SLC35F3: variants seen among roughly 807,000 people sequenced by gnomAD.
SLC35F3 encodes solute carrier family 35 member F3.
A neutral mutation model predicts 49.9 loss-of-function variants in SLC35F3; 25 were observed. That is an observed-to-expected ratio of 0.50 (90% confidence interval 0.37 to 0.70). The LOEUF is 0.70. Among genes scored for constraint, SLC35F3 ranks in the 30% least tolerant of loss-of-function variants. The probability of loss-of-function intolerance (pLI) is 0.00; values close to 1 mark genes in which losing one functional copy is unlikely to be tolerated. For missense variants in SLC35F3, 525 were observed against 639.8 expected, an observed-to-expected ratio of 0.82 and a Z score of 1.94; for synonymous variants, 275 against 265.4, an observed-to-expected ratio of 1.04 and a Z score of -0.35.
At chr1:233,999,753 G>T (rs543851185) in intron 2 of SLC35F3, among the ~76,000 whole-genome samples, 3 of 152,064 alleles carry the variant, frequency 2.0e-5, no homozygotes, top group African/African-American at 7.2e-5. Flanking sequence ...TTTTCTGTTT[G>T]TGCTACCTTA....
In SLC35F3 at chr1:234,099,035, T is replaced by C. The variant is rs560327768; in HGVS notation, c.284-132382T>C. Among the ~76,000 whole-genome samples, 3 of 152,190 alleles carry C rather than the reference T, an allele frequency of 2.0e-5. No homozygotes were observed. The South Asian group carries it at 6.2e-4, about 32-fold the overall frequency. ...GGTGGTAGTGATAGTGGTACCTGCA[T>C]TGAAGCAACAGCAATAGGAGTGGCA... On this transcript the variant is annotated intron_variant, in intron 2 of 7. Coordinates refer to ENST00000366618, the MANE Select transcript of SLC35F3 (RefSeq NM_173508.4).
chr1:233,920,872 C>T (rs950040880), intron 2 of SLC35F3, among the ~76,000 whole-genome samples: 9 of 152,226 alleles, frequency 5.9e-5, no homozygotes, highest in African/African-American at 2.2e-4. Flanking sequence ...CTCAGTCCTA[C>T]AACCACAGTC....
intron 3 of SLC35F3, among the ~76,000 whole-genome samples, chr1:234,257,395 A>G (rs1444951814): frequency 6.6e-6 from 1 of 151,936 alleles, no homozygotes; most frequent in African/African-American, 2.4e-5. Flanking sequence ...GTTTTTTTGT[A>G]TGATTTGAGT....
intron 2 of SLC35F3, among the ~76,000 whole-genome samples, chr1:234,078,897 C>G (rs770425061): frequency 2.0e-5 from 3 of 152,146 alleles, no homozygotes; most frequent in African/African-American, 7.2e-5. Flanking sequence ...TCACCCTCAC[C>G]ACACTGTGAT....
At chr1:234,296,392 T>C (rs1668593595) in intron 3 of SLC35F3, among the ~76,000 whole-genome samples, 1 of 152,204 alleles carries the variant, frequency 6.6e-6, no homozygotes, top group African/African-American at 2.4e-5. Flanking sequence ...AGTAGATTTA[T>C]TCCATGCAAT....
rs569503742 is a variant in SLC35F3 at position 234,202,106 on chromosome 1, A to G, written c.284-29311A>G. The stretch of plus-strand genomic sequence containing the variant: ...AAAAGATCACGTCCTTTGCAGGGAC[A>G]TAGATGGAGTTGGAAGCCATTATCC... On this transcript the variant is annotated intron_variant, in intron 2 of 7. Coordinates refer to ENST00000366618, the MANE Select transcript of SLC35F3 (RefSeq NM_173508.4). 8.5e-5 allele frequency among the ~76,000 whole-genome samples: 13 copies of G among 152,302 alleles called. No homozygotes were observed. In the South Asian group the frequency reaches 2.5e-3, roughly 29 times the overall value.
intron 2 of SLC35F3, among the ~76,000 whole-genome samples, chr1:233,983,797 A>C (rs1240593451): frequency 6.6e-6 from 1 of 152,194 alleles, no homozygotes; most frequent in African/African-American, 2.4e-5. Context: ...CATTTCTCTC[A>C]GTCAAAATTT....
At chr1:233,954,089 C>T (rs1662654724) in intron 2 of SLC35F3, among the ~76,000 whole-genome samples, 1 of 152,034 alleles carries the variant, frequency 6.6e-6, no homozygotes, top group African/African-American at 2.4e-5. Context: ...TCACTGCAAC[C>T]TCCACCTCCC....
chr1:234,299,907 A>G (rs573378080), intron 3 of SLC35F3, among the ~76,000 whole-genome samples: 2 of 152,088 alleles, frequency 1.3e-5, no homozygotes, highest in African/African-American at 2.4e-5. Flanking sequence ...TTTAAAAGAG[A>G]GAAAGAAAGA....
chr1:234,081,425 C>T lies in SLC35F3; in HGVS notation c.284-149992C>T, dbSNP rs547755309. On this transcript the variant is annotated intron_variant, in intron 2 of 7. Coordinates refer to ENST00000366618, the MANE Select transcript of SLC35F3 (RefSeq NM_173508.4). ...AATAAGCTCAGAGTTCTAATTTGTA[C>T]TCCCTTGATCCAAGCTGCTGGTTCC... Among the ~76,000 whole-genome samples the T allele has an allele frequency of 2.0e-5, 3 of 152,284 alleles. No homozygotes were observed. The East Asian group carries it at 5.8e-4, about 29-fold the overall frequency.
chr1:234,300,222 C>G (rs547199911), intron 3 of SLC35F3, among the ~76,000 whole-genome samples: 1 of 152,304 alleles, frequency 6.6e-6, no homozygotes, highest in Non-Finnish European at 1.5e-5. Context: ...TGGGGGAAAA[C>G]TAGTCAAGAT....
chr1:234,214,696 G>T lies in SLC35F3; in HGVS notation c.284-16721G>T, dbSNP rs1391803433. ...GGGGGTACTGCTCCCCCAGGACGCGGCTCCGCAGTGCAGAGCGCCGCCGCC... is the reference window on the plus strand; with the variant it reads ...GGGGGTACTGCTCCCCCAGGACGCGTCTCCGCAGTGCAGAGCGCCGCCGCC... On this transcript the variant is annotated intron_variant, in intron 2 of 7. Coordinates refer to ENST00000366618, the MANE Select transcript of SLC35F3 (RefSeq NM_173508.4). The surrounding 1 kb of genome is among the most constrained non-coding windows in gnomAD (Gnocchi z 8.0). The T allele has an allele frequency of 1.5e-6, 2 of 1,302,720 alleles. No individual in the cohort carries two copies. Among genetic ancestry groups the T allele is most frequent in the African/African-American group, 3.1e-5 (2 of 63,958 alleles). The allele number at this position is 1,302,720 out of a possible 1,614,324, so 80.7% of individuals were successfully genotyped here.
chr1:234,292,349 T>A (rs1668522728), intron 3 of SLC35F3, among the ~76,000 whole-genome samples: 1 of 152,174 alleles, frequency 6.6e-6, no homozygotes, highest in Admixed American at 6.5e-5. Context: ...AGATTTTGAC[T>A]CCCTTGACCC....
In SLC35F3 at chr1:234,046,065, T is replaced by C; in HGVS notation, c.283+140307T>C. 6.6e-6 allele frequency among the ~76,000 whole-genome samples: 1 copy of C among 152,154 alleles called. No individual in the cohort carries two copies. The highest frequency in any genetic ancestry group is 1.9e-4 in the East Asian group (1 of 5,200). On this transcript the variant is annotated intron_variant, in intron 2 of 7. Coordinates refer to ENST00000366618, the MANE Select transcript of SLC35F3 (RefSeq NM_173508.4). This position sits in a 1 kb window ranked among gnomAD's most constrained non-coding sequence, Gnocchi z 4.4. ...ATGGACATTTAGTTTATTTCTCACATTTTGCTACTGAAAACAGCACTGCAG... is the reference window on the plus strand; with the variant it reads ...ATGGACATTTAGTTTATTTCTCACACTTTGCTACTGAAAACAGCACTGCAG...
intron 2 of SLC35F3, among the ~76,000 whole-genome samples, chr1:234,030,645 A>G (rs1175922387): frequency 6.6e-6 from 1 of 152,216 alleles, no homozygotes; most frequent in African/African-American, 2.4e-5. Context: ...GGAGGAGATT[A>G]GGTTGGATAG....
chr1:233,945,582 A>G (rs952580650), intron 2 of SLC35F3, among the ~76,000 whole-genome samples: 13 of 152,174 alleles, frequency 8.5e-5, no homozygotes, highest in Non-Finnish European at 1.9e-4. Flanking sequence ...AGGGATGTTG[A>G]TACAGTTTGG....
At chr1:234,322,243 G>A (rs1657639215) in intron 7 of SLC35F3, among the ~76,000 whole-genome samples, 1 of 151,264 alleles carries the variant, frequency 6.6e-6, no homozygotes, top group African/African-American at 2.4e-5. Flanking sequence ...AGAGAATGGG[G>A]GCACAAACCC....
Position 234,320,674 on chromosome 1 carries a change from G to A in SLC35F3, c.1237+487G>A, listed in dbSNP as rs190395008. On this transcript the variant is annotated intron_variant, in intron 7 of 7. Transcript: ENST00000366618. This position sits in a 1 kb window ranked among gnomAD's most constrained non-coding sequence, Gnocchi z 4.8. ...AAACATGCTGACAAGCTGAAGAAGC[G>A]TGAACGGCATTTTCCCTGACCTCCG... is the stretch of plus-strand genomic sequence containing the variant. Among the ~76,000 whole-genome samples, 17 of 152,280 alleles carry A rather than the reference G, an allele frequency of 1.1e-4. No individual in the cohort carries two copies. In the East Asian group the frequency reaches 1.4e-3, roughly 12 times the overall value.
rs113738462 is a variant in SLC35F3, at chr1:234,020,197, T to G, written c.283+114439T>G. Among the ~76,000 whole-genome samples, 910 of 152,348 alleles carry G rather than the reference T, an allele frequency of 6.0e-3. 8 individuals carry two copies. Among genetic ancestry groups the G allele is most frequent in the African/African-American group, 0.021 (862 of 41,564 alleles). On this transcript the variant is annotated intron_variant, in intron 2 of 7. Transcript: ENST00000366618. ...CTACCTTATTGTTATATTGGGGTTA[T>G]TTCATTGTATTGTAGTTTTAGTCAT... is the stretch of plus-strand genomic sequence containing the variant.
Sources: allele counts gnomAD v4.1 joint callset (sites outside exome capture counted in the v4.1 genomes callset), GRCh38; gene constraint gnomAD v4.1.1; non-coding constraint Gnocchi (gnomAD v3.1); transcripts MANE v1.5; gene names NCBI Gene and HGNC (gene_info 2026-07-23, HGNC 2026-07-21).